Variants in ANKRD28 observed in about 807,000 individuals in gnomAD.
ANKRD28 encodes the protein serine/threonine-protein phosphatase 6 regulatory ankyrin repeat subunit A.
In ANKRD28, 44 loss-of-function variants were observed where a neutral mutation model predicts 126.5. The observed-to-expected ratio is 0.35, with a 90% CI of 0.27 to 0.45. The LOEUF (loss-of-function observed/expected upper bound fraction) is 0.45. Ranked by LOEUF, ANKRD28 falls within the 20% of genes least tolerant of loss-of-function variation. The pLI is 1.00. For synonymous variants in ANKRD28, 442 were observed against 468.5 expected (o/e 0.94, Z 0.73); for missense variants, 1,110 against 1,316.6 (o/e 0.84, Z 2.43).
chr3:15,693,051 CA>C (rs1296360142), intron 17 of ANKRD28, among the ~76,000 whole-genome samples: 3 of 152,034 alleles, frequency 2.0e-5, no homozygotes, highest in Non-Finnish European at 4.4e-5. Flanking sequence ...CTAGATTAGT[CA>C]AATTCATAGG....
chr3:15,686,871 A>G (rs1470306912), intron 18 of ANKRD28, among the ~76,000 whole-genome samples: 2 of 152,224 alleles, frequency 1.3e-5, no homozygotes, highest in African/African-American at 4.8e-5. Flanking sequence ...ATGTAAGAGA[A>G]TAACAGAATT....
chr3:15,738,162 C>G (rs113081376), intron 4 of ANKRD28, among the ~76,000 whole-genome samples: 6 of 152,206 alleles, frequency 3.9e-5, no homozygotes, highest in African/African-American at 1.4e-4. Context: ...GGTAAATTAT[C>G]GGGGAACCTG....
intron 12 of ANKRD28, 112 bp downstream of exon 12, chr3:15,711,099 T>C: frequency 1.1e-6 from 1 of 932,482 alleles, no homozygotes; most frequent in South Asian, 1.9e-5. Context: ...CAACTCCTGT[T>C]TTGTTTTCTA....
chr3:15,690,042 T>C lies in ANKRD28; in HGVS notation c.1940A>G (p.Lys647Arg). The change falls in exon 18 of 28, where the codon AAG becomes AGG. Residue 647 changes from lysine (K) to arginine (R), a missense_variant. Physicochemically the swap from Lys to Arg is conservative, Grantham distance 26. Transcript: ENST00000683139. ...ACCTGCTGCATGAATAGGTGTCCTC[T>C]TCAAAATGTAATCTTTTACTAAGAT... is the stretch of plus-strand genomic sequence containing the variant. ...ASILVKDYIL[K>R]RTPIHAAATN... 6.2e-7 allele frequency: 1 copy of C among 1,610,304 alleles called. No individual in the cohort carries two copies. The highest frequency in any genetic ancestry group is 8.5e-7 in the Non-Finnish European group (1 of 1,178,044).
Position 15,667,649 on chromosome 3 carries a change from T to C in ANKRD28, c.*2621A>G, listed in dbSNP as rs2066050726. 2 of 152,222 alleles carry C rather than the reference T, an allele frequency of 1.3e-5. No individual in the cohort carries two copies. Among genetic ancestry groups the C allele is most frequent in the South Asian group, 2.1e-4 (1 of 4,830 alleles). The allele number at this position is 152,222 out of a possible 1,614,324, so 9.4% of individuals were successfully genotyped here. On this transcript the variant is annotated 3_prime_UTR_variant, in exon 28 of 28. Coordinates refer to ENST00000683139, the MANE Select transcript of ANKRD28 (RefSeq NM_001349278.2). Reference sequence around the variant, plus strand: ...AATACTGGCGTAGTTCAAATACCATTTGAGACAGTACTTTGGGGTTTCCCT... The same window carrying C: ...AATACTGGCGTAGTTCAAATACCATCTGAGACAGTACTTTGGGGTTTCCCT...
At chr3:15,742,889 T>C (rs1403057356) in intron 4 of ANKRD28, among the ~76,000 whole-genome samples, 9 of 148,604 alleles carry the variant, frequency 6.1e-5, no homozygotes, top group Admixed American at 5.3e-4. Flanking sequence ...CAACAGCTCA[T>C]TGAGAACGGG....
chr3:15,710,210 T>C (rs1448408195), intron 12 of ANKRD28, among the ~76,000 whole-genome samples: 1 of 152,186 alleles, frequency 6.6e-6, no homozygotes, highest in African/African-American at 2.4e-5. Flanking sequence ...CTGTCAGCTT[T>C]CCCTTATCTT....
chr3:15,810,575 C>T (rs986461704), intron 1 of ANKRD28, among the ~76,000 whole-genome samples: 2 of 151,876 alleles, frequency 1.3e-5, no homozygotes, highest in South Asian at 2.1e-4. Flanking sequence ...ATATGGAATA[C>T]AACACTGCAG....
intron 1 of ANKRD28, among the ~76,000 whole-genome samples, chr3:15,836,802 C>A (rs918089915): frequency 2.0e-4 from 30 of 152,034 alleles, no homozygotes; most frequent in African/African-American, 7.2e-4. Flanking sequence ...ACAGGCCAGG[C>A]GTGGTGGCTC....
At chr3:15,689,932 C>T in intron 18 of ANKRD28, 87 bp downstream of exon 18, 1 of 1,180,612 alleles carries the variant, frequency 8.5e-7, no homozygotes, top group Non-Finnish European at 1.2e-6. Context: ...ATTTTAAAGA[C>T]AATTAACTGG....
rs1380980617 is a variant in ANKRD28 at position 15,830,837 on chromosome 3, T to C, written c.27+28540A>G. On this transcript the variant is annotated intron_variant, in intron 1 of 27. Transcript: ENST00000399451. This position sits in a 1 kb window ranked among gnomAD's most constrained non-coding sequence, Gnocchi z 4.5. ...GACCTTTAAGTCACGGAGTATCAGC[T>C]TGACCTCTGGAGGGGATGGAGACTA... Among the ~76,000 whole-genome samples the C allele has an allele frequency of 6.6e-6, 1 of 152,144 alleles. No homozygotes were observed. The highest frequency in any genetic ancestry group is 1.5e-5 in the Non-Finnish European group (1 of 68,034).
intron 2 of ANKRD28, among the ~76,000 whole-genome samples, chr3:15,787,080 A>G (rs190489999): frequency 1.3e-5 from 2 of 152,294 alleles, no homozygotes; most frequent in East Asian, 1.9e-4. Flanking sequence ...TGCTAGTTAA[A>G]TAAATTATGC....
At chr3:15,725,840 C>T (rs1001703813) in intron 6 of ANKRD28, among the ~76,000 whole-genome samples, 6 of 152,010 alleles carry the variant, frequency 3.9e-5, no homozygotes, top group African/African-American at 9.7e-5. Context: ...GGTCAGAAGT[C>T]GAGACCAGCC....
chr3:15,806,135 G>A (rs1358682275), intron 1 of ANKRD28, among the ~76,000 whole-genome samples: 1 of 152,180 alleles, frequency 6.6e-6, no homozygotes, highest in Non-Finnish European at 1.5e-5. Context: ...TGTTTGTAAT[G>A]TGTCTCAGGT....
At chr3:15,767,755 G>C (rs1309934377) in intron 2 of ANKRD28, among the ~76,000 whole-genome samples, 1 of 147,234 alleles carries the variant, frequency 6.8e-6, no homozygotes, top group Non-Finnish European at 1.5e-5. Flanking sequence ...GCACGTGGTG[G>C]CGGGTGCCTG....
chr3:15,697,576 C>T (rs1408978656), intron 14 of ANKRD28, among the ~76,000 whole-genome samples: 1 of 152,024 alleles, frequency 6.6e-6, no homozygotes, highest in Non-Finnish European at 1.5e-5. Context: ...TACGTTGAAC[C>T]AGCCTTGCAT....
At chr3:15,819,807 A>G (rs1438029347) in intron 1 of ANKRD28, among the ~76,000 whole-genome samples, 1 of 152,204 alleles carries the variant, frequency 6.6e-6, no homozygotes, top group Non-Finnish European at 1.5e-5. Flanking sequence ...AGGCTGTTAA[A>G]CCAATCAGAA....
exon 1 of ANKRD28, chr3:15,859,455 TGCCGCC>T (rs1338651569): frequency 6.9e-7 from 1 of 1,449,946 alleles, no homozygotes; most frequent in South Asian, 1.2e-5. Flanking sequence ...CCGCTGCCGC[TGCCGCC>T]GCCGACCGGC....
intron 4 of ANKRD28, among the ~76,000 whole-genome samples, chr3:15,751,394 A>G (rs1407223717): frequency 2.6e-5 from 4 of 152,188 alleles, no homozygotes; most frequent in Admixed American, 6.5e-5. Flanking sequence ...TAATTATTAT[A>G]CACTGATGAG....
Sources: gnomAD v4.1 joint callset for allele counts (sites outside exome capture counted in the v4.1 genomes callset) on GRCh38, gnomAD v4.1.1 for gene constraint, Gnocchi (gnomAD v3.1) non-coding constraint, MANE v1.5 for transcripts, NCBI Gene and HGNC (gene_info 2026-07-23, HGNC 2026-07-21) for gene names.